ANKRD30B: variants seen among roughly 807,000 people sequenced by gnomAD.
ANKRD30B encodes ankyrin repeat domain 30B, also known as ankyrin repeat domain-containing protein 30B.
ANKRD30B carries 144 observed loss-of-function variants against 202.2 expected under a neutral mutation model. That is an observed-to-expected ratio of 0.71 (90% CI 0.62 to 0.82). The LOEUF (loss-of-function observed/expected upper bound fraction) is 0.82. Ranked by LOEUF, ANKRD30B falls within the 40% of genes least tolerant of loss-of-function variation. The pLI is 0.00. For synonymous variants in ANKRD30B, 508 were observed against 561.3 expected, an observed-to-expected ratio of 0.91 and a Z score of 1.34; for missense variants, 1,487 against 1,669.1, an observed-to-expected ratio of 0.89 and a Z score of 1.90.
chr18:14,848,641 T>A, intron 39 of ANKRD30B, 75 bp from the exon 40 acceptor site: 8 of 1,183,908 alleles, frequency 6.8e-6, no homozygotes, highest in Non-Finnish European at 9.1e-6. Flanking sequence ...TATGAGTTAG[T>A]GATTGTTAAA....
At chr18:14,896,019 TATAA>T in the ANKRD30B span, among the ~76,000 whole-genome samples, 2 of 152,220 alleles carry the variant, frequency 1.3e-5, no homozygotes, top group African/African-American at 4.8e-5. Context: ...AAACTGATGG[TATAA>T]ATAAATATTG....
At chr18:14,776,918 G>T (rs1299561190) in intron 9 of ANKRD30B, among the ~76,000 whole-genome samples, 2 of 152,098 alleles carry the variant, frequency 1.3e-5, no homozygotes, top group African/African-American at 4.8e-5. Context: ...CTTCTACAGA[G>T]TTCTACTCCT....
chr18:14,806,037 G>A (rs541247183), intron 24 of ANKRD30B, among the ~76,000 whole-genome samples: 1,509 of 149,980 alleles, frequency 0.01, 89 homozygotes, highest in African/African-American at 0.036. Context: ...TGGCTAACAC[G>A]GTGAAACCCC....
chr18:14,901,423 C>T, the ANKRD30B span, among the ~76,000 whole-genome samples: 1 of 152,120 alleles, frequency 6.6e-6, no homozygotes, highest in African/African-American at 2.4e-5. Context: ...AGATTACTAA[C>T]CCAACATCAA....
the ANKRD30B span, among the ~76,000 whole-genome samples, chr18:14,912,757 C>T: frequency 1.3e-5 from 2 of 152,164 alleles, no homozygotes; most frequent in African/African-American, 4.8e-5. Flanking sequence ...GTTTCTACTT[C>T]TTGGGAGATT....
intron 32 of ANKRD30B, among the ~76,000 whole-genome samples, chr18:14,824,217 G>A (rs1315170345): frequency 6.6e-6 from 1 of 151,870 alleles, no homozygotes; most frequent in African/African-American, 2.4e-5. Flanking sequence ...ATTTAATTAG[G>A]CTGTCTTTCA....
the ANKRD30B span, among the ~76,000 whole-genome samples, chr18:14,906,748 G>A: frequency 1.3e-5 from 2 of 152,116 alleles, no homozygotes; most frequent in Admixed American, 6.5e-5. Flanking sequence ...ATATAGGAGT[G>A]ACCATGGCCC....
the ANKRD30B span, among the ~76,000 whole-genome samples, chr18:14,865,715 C>CT: frequency 2.0e-5 from 3 of 151,782 alleles, no homozygotes; most frequent in East Asian, 5.9e-4. Context: ...CCTCTTTACC[C>CT]TTTCATCTAT....
At chr18:14,905,710 T>C in the ANKRD30B span, 2 of 152,168 alleles carry the variant, frequency 1.3e-5, no homozygotes, top group Non-Finnish European at 2.9e-5. Context: ...CAAAAGGCTT[T>C]GCAGGGCCAT....
rs768756759 is a variant in ANKRD30B at position 14,808,642 on chromosome 18, A to G, written c.2314-30A>G. The G allele has an allele frequency of 3.1e-5, 48 of 1,555,678 alleles. 1 individual carries two copies. The highest frequency in any genetic ancestry group is 5.4e-5 in the Admixed American group (3 of 55,392). Reference sequence around the variant, plus strand: ...CATATTTTTGAAGTATACATTATATATTAATTTTTGTGTTTCCAAACCCAT... The same window carrying G: ...CATATTTTTGAAGTATACATTATATGTTAATTTTTGTGTTTCCAAACCCAT... On this transcript the variant is annotated intron_variant, in intron 25 of 43. Transcript: ENST00000690538.
chr18:14,755,613 C>T (rs1400046482), intron 4 of ANKRD30B, among the ~76,000 whole-genome samples: 1 of 151,990 alleles, frequency 6.6e-6, no homozygotes, highest in Non-Finnish European at 1.5e-5. Flanking sequence ...TCCATGTGTT[C>T]TCACTGTTCA....
chr18:14,807,255 T>C (rs1969579904), intron 24 of ANKRD30B, among the ~76,000 whole-genome samples: 1 of 151,066 alleles, frequency 6.6e-6, no homozygotes, highest in African/African-American at 2.4e-5. Flanking sequence ...ATTCATATTA[T>C]TTGAGGAAAT....
At chr18:14,759,210 T>C (rs1914869783) in intron 5 of ANKRD30B, 1 of 152,168 alleles carries the variant, frequency 6.6e-6, no homozygotes, top group Admixed American at 6.5e-5. Flanking sequence ...GGGGTACATA[T>C]ACTAAAATTG....
chr18:14,809,484 C>G (rs1969777376), intron 26 of ANKRD30B, among the ~76,000 whole-genome samples: 1 of 150,750 alleles, frequency 6.6e-6, no homozygotes, highest in South Asian at 2.1e-4. Flanking sequence ...CCTAGAAGAG[C>G]CATGGCGAGA....
At chr18:14,937,716 T>TTG in the ANKRD30B span, among the ~76,000 whole-genome samples, 3 of 152,234 alleles carry the variant, frequency 2.0e-5, no homozygotes, top group African/African-American at 7.2e-5. Context: ...TGTGCTTTTG[T>TTG]TGCTCCGTTC....
In ANKRD30B at chr18:14,792,565, G is replaced by A. The variant is rs548503259; in HGVS notation, c.1825+1074G>A. 9.8e-4 allele frequency among the ~76,000 whole-genome samples: 149 copies of A among 152,086 alleles called. 1 individual carries two copies. The highest frequency in any genetic ancestry group is 1.6e-3 in the Admixed American group (25 of 15,276). On this transcript the variant is annotated intron_variant, in intron 16 of 43. Transcript: ENST00000690538. ...AGCCAGCTAGATTATTTTGGATTTT[G>A]TATGAAGGAAAATGGAGTGAATTCA...
rs2099699431 is a variant in ANKRD30B at position 14,837,662 on chromosome 18, A to G, written c.2974A>G (p.Thr992Ala). ...AGGAAGAAAAGAAGATACAAAATCA[A>G]CTTCAGATTCTGAGGTACTGTGTAT... is the stretch of plus-strand genomic sequence containing the variant. ...ELGRKEDTKSTSDSEIISVSD... is the reference protein window; with the variant it reads ...ELGRKEDTKSASDSEIISVSD... Residue 992 changes from threonine to alanine, a missense_variant, in exon 36 of 44, where the codon ACT (threonine) becomes GCT (alanine). By Grantham distance (58) the Thr-to-Ala change is moderately conservative. This residue lies in a region of ANKRD30B where 218 missense variants were observed against 320.1 expected (regional missense o/e 0.68). Transcript: ENST00000690538. The G allele has an allele frequency of 2.6e-6, 4 of 1,540,200 alleles. No individual in the cohort carries two copies. Among genetic ancestry groups the G allele is most frequent in the African/African-American group, 1.4e-5 (1 of 70,400 alleles).
the ANKRD30B span, among the ~76,000 whole-genome samples, chr18:14,879,892 C>T: frequency 6.6e-6 from 1 of 152,046 alleles, no homozygotes; most frequent in Non-Finnish European, 1.5e-5. Flanking sequence ...TTAATTAAGT[C>T]CCAGCTATTT....
the ANKRD30B span, among the ~76,000 whole-genome samples, chr18:14,933,976 A>G: frequency 6.6e-6 from 1 of 152,160 alleles, no homozygotes; most frequent in Non-Finnish European, 1.5e-5. Flanking sequence ...ACGATGTCTC[A>G]GGGCCTTGCC....
Sources: allele counts gnomAD v4.1 joint callset (sites outside exome capture counted in the v4.1 genomes callset), GRCh38; gene constraint gnomAD v4.1.1; regional missense constraint gnomAD v4.1.1; transcripts MANE v1.5; gene names NCBI Gene and HGNC (gene_info 2026-07-23, HGNC 2026-07-21).